FANCB: variants seen among roughly 807,000 people sequenced by gnomAD.
The protein encoded by FANCB is Fanconi anemia group B protein.
A neutral mutation model predicts 38.9 loss-of-function variants in FANCB; 5 were observed. The observed-to-expected ratio is 0.13, with a 90% CI of 0.07 to 0.27. The LOEUF is 0.27. Ranked by LOEUF, FANCB falls within the 10% of genes least tolerant of loss-of-function variation. The probability of loss-of-function intolerance (pLI) is 1.00; values close to 1 mark genes in which losing one functional copy is unlikely to be tolerated. For missense variants in FANCB, 573 were observed against 602.7 expected (o/e 0.95, Z 0.52); for synonymous variants, 236 against 215.4 (o/e 1.10, Z -0.84).
chrX:14,831,476 G>C (rs1029245505), downstream of FANCB, among the ~76,000 whole-genome samples: 7 of 111,964 alleles, frequency 6.3e-5, no homozygotes, highest in Admixed American at 4.8e-4. Flanking sequence ...GAATGGGAAA[G>C]TAGGATTGAA....
the FANCB span, chrX:14,690,827 C>T: frequency 1.9e-5 from 23 of 1,204,751 alleles, no homozygotes; most frequent in Non-Finnish European, 2.6e-5. Flanking sequence ...GGAGTTCCTG[C>T]GCCTCCGAAG....
In FANCB at chrX:14,865,597, G is replaced by A; in HGVS notation, c.-70-17C>T. 2.8e-6 allele frequency: 2 copies of A among 726,162 alleles called. No individual in the cohort carries two copies. Among genetic ancestry groups the A allele is most frequent in the East Asian group, 6.6e-5 (2 of 30,510 alleles). 59.8% of individuals were successfully genotyped at this position (726,162 alleles called of 1,213,427 possible). ...TTTCTAAACCTAAAAAAGAAATGAG[G>A]AAAAACTGCCATGAAGTAGGAAGGG... On this transcript the variant is annotated splice_polypyrimidine_tract_variant and intron_variant, in intron 2 of 9. Transcript: ENST00000650831.
chrX:14,756,789 C>G, the FANCB span, among the ~76,000 whole-genome samples: 1 of 111,845 alleles, frequency 8.9e-6, no homozygotes, highest in Admixed American at 9.5e-5. Flanking sequence ...ACGTTTGTCC[C>G]TTCATTCAGT....
the FANCB span, among the ~76,000 whole-genome samples, chrX:14,717,740 TAA>T: frequency 1.8e-3 from 138 of 78,279 alleles, 2 homozygotes; most frequent in East Asian, 0.03. Context: ...TTCTGTAAAG[TAA>T]AAAAAAAAAA....
chrX:14,839,918 C>T (rs1035650687), downstream of FANCB, among the ~76,000 whole-genome samples: 1 of 109,603 alleles, frequency 9.1e-6, no homozygotes, highest in African/African-American at 3.3e-5. Flanking sequence ...TGCAGTGGCG[C>T]GATCTCGGCT....
At chrX:14,814,244 C>A in the FANCB span, among the ~76,000 whole-genome samples, 97 of 111,748 alleles carry the variant, frequency 8.7e-4, no homozygotes, top group African/African-American at 3.1e-3. Flanking sequence ...CTAGGCAATA[C>A]CATTCAGGAC....
At chrX:14,816,915 G>A in the FANCB span, among the ~76,000 whole-genome samples, 1 of 111,706 alleles carries the variant, frequency 9.0e-6, no homozygotes, top group Non-Finnish European at 1.9e-5. Context: ...ATCTATAAAA[G>A]GAGAATAATG....
chrX:14,735,761 C>T, the FANCB span, among the ~76,000 whole-genome samples: 1 of 112,557 alleles, frequency 8.9e-6, no homozygotes, highest in Non-Finnish European at 1.9e-5. Context: ...AGCTAGAGCG[C>T]TGTGCTGGGA....
chrX:14,772,592 C>A, the FANCB span, among the ~76,000 whole-genome samples: 2 of 112,556 alleles, frequency 1.8e-5, no homozygotes, highest in African/African-American at 3.2e-5. Flanking sequence ...TGGGTCTTAA[C>A]TTGTGAGGTT....
chrX:14,750,576 T>C, the FANCB span, among the ~76,000 whole-genome samples: 1 of 110,778 alleles, frequency 9.0e-6, no homozygotes, highest in Admixed American at 9.6e-5. Context: ...ACAAGGGTGG[T>C]AGAAAACGTT....
intron 1 of FANCB, 53 bp downstream of exon 1, chrX:14,872,933 A>T (rs2092507443): frequency 8.7e-6 from 1 of 114,626 alleles, no homozygotes; most frequent in Non-Finnish European, 1.8e-5. Flanking sequence ...ATCCAGCCCC[A>T]TCGCCCCCTC....
chrX:14,805,281 G>A, the FANCB span, among the ~76,000 whole-genome samples: 1 of 111,534 alleles, frequency 9.0e-6, no homozygotes, highest in Non-Finnish European at 1.9e-5. Context: ...TTGTGCTTTA[G>A]TGATGTCATG....
At chrX:14,857,168 C>T (rs1474845043) in intron 5 of FANCB, among the ~76,000 whole-genome samples, 2 of 111,907 alleles carry the variant, frequency 1.8e-5, no homozygotes, top group Non-Finnish European at 3.8e-5. Context: ...ATTGGGGATA[C>T]AGAGATAATC....
At chrX:14,716,310 G>A in the FANCB span, among the ~76,000 whole-genome samples, 1 of 111,401 alleles carries the variant, frequency 9.0e-6, no homozygotes, top group Non-Finnish European at 1.9e-5. Context: ...AAAAAAAATT[G>A]AGGGACTGTC....
intron 5 of FANCB, among the ~76,000 whole-genome samples, chrX:14,856,910 T>C (rs2092425415): frequency 8.9e-6 from 1 of 112,310 alleles, no homozygotes; most frequent in African/African-American, 3.2e-5. Flanking sequence ...TAACTAAATA[T>C]ATTTGAATAT....
chrX:14,747,440 A>C, the FANCB span, among the ~76,000 whole-genome samples: 1 of 112,682 alleles, frequency 8.9e-6, no homozygotes, highest in South Asian at 3.6e-4. Context: ...CTTGGTTTTT[A>C]AAAACTAAAC....
At chrX:14,763,403 G>A in the FANCB span, among the ~76,000 whole-genome samples, 6 of 111,754 alleles carry the variant, frequency 5.4e-5, no homozygotes, top group Admixed American at 2.9e-4. Flanking sequence ...TTAGCATCGC[G>A]GGGGAAAAGC....
chrX:14,704,782 C>T, the FANCB span, among the ~76,000 whole-genome samples: 2 of 112,182 alleles, frequency 1.8e-5, no homozygotes, highest in Non-Finnish European at 3.8e-5. Flanking sequence ...TTTTTGAATG[C>T]TTGCCTTGTA....
At chrX:14,864,176 G>A (rs1177346059) in intron 3 of FANCB, among the ~76,000 whole-genome samples, 4 of 111,323 alleles carry the variant, frequency 3.6e-5, no homozygotes, top group Non-Finnish European at 7.5e-5. Context: ...ATGAAAAACT[G>A]ATTTGAATTT....
Sources: gnomAD v4.1 joint callset for allele counts (sites outside exome capture counted in the v4.1 genomes callset) on GRCh38, gnomAD v4.1.1 for gene constraint, MANE v1.5 for transcripts, NCBI Gene and HGNC (gene_info 2026-07-23, HGNC 2026-07-21) for gene names.